Variants in GPATCH2 observed in about 807,000 individuals in gnomAD.
The protein encoded by GPATCH2 is G-patch domain containing 2.
In GPATCH2, 51 loss-of-function variants were observed where a neutral mutation model predicts 58.0. The ratio of observed to expected loss-of-function variants is 0.88; its 90% CI spans 0.70 to 1.11. The LOEUF (loss-of-function observed/expected upper bound fraction) is 1.11. Among genes scored for constraint, GPATCH2 ranks in the 50% most tolerant of loss-of-function variants. GPATCH2 has a pLI of 0.00. For synonymous variants in GPATCH2, 222 were observed against 218.5 expected, an observed-to-expected ratio of 1.02 and a Z score of -0.14; for missense variants, 625 against 652.2, an observed-to-expected ratio of 0.96 and a Z score of 0.45.
chr1:217,589,764 G>A (rs1452427810), intron 5 of GPATCH2, among the ~76,000 whole-genome samples: 1 of 152,160 alleles, frequency 6.6e-6, no homozygotes, highest in African/African-American at 2.4e-5. Context: ...GGATCAGAAG[G>A]AAAAGCAATT....
At chr1:217,595,725 C>T (rs927187470) in intron 5 of GPATCH2, among the ~76,000 whole-genome samples, 1 of 152,040 alleles carries the variant, frequency 6.6e-6, no homozygotes, top group Admixed American at 6.6e-5. Context: ...GTCTCGAACT[C>T]CTGACTTCAA....
chr1:217,507,230 A>C (rs1662606664), intron 6 of GPATCH2, among the ~76,000 whole-genome samples: 1 of 152,222 alleles, frequency 6.6e-6, no homozygotes, highest in South Asian at 2.1e-4. Context: ...GAATGAGAAC[A>C]CTGGGCTGTG....
At chr1:217,551,412 C>G (rs1438617865) in intron 5 of GPATCH2, among the ~76,000 whole-genome samples, 1 of 152,190 alleles carries the variant, frequency 6.6e-6, no homozygotes, top group East Asian at 1.9e-4. Flanking sequence ...TAACAAAGAC[C>G]TACAGAATCA....
intron 6 of GPATCH2, among the ~76,000 whole-genome samples, chr1:217,513,825 CTTT>C (rs567793120): frequency 7.0e-6 from 1 of 141,980 alleles, no homozygotes; most frequent in Non-Finnish European, 1.6e-5. Context: ...GAAAACCAGT[CTTT>C]TTTTTTTTTT....
At chr1:217,447,277 C>T (rs185611632) in intron 9 of GPATCH2, among the ~76,000 whole-genome samples, 13 of 152,142 alleles carry the variant, frequency 8.5e-5, no homozygotes, top group Admixed American at 2.0e-4. Context: ...TATAGTAGTG[C>T]GTTTAAGTCA....
At chr1:217,514,738 G>C (rs1433887877) in intron 6 of GPATCH2, 84 bp downstream of exon 6, 2 of 625,522 alleles carry the variant, frequency 3.2e-6, no homozygotes, top group Non-Finnish European at 5.9e-6. Context: ...AATTAAATAA[G>C]CTTTACTAGT....
chr1:217,606,910 C>T (rs1252310634), intron 5 of GPATCH2, among the ~76,000 whole-genome samples: 1 of 151,902 alleles, frequency 6.6e-6, no homozygotes, highest in African/African-American at 2.4e-5. Flanking sequence ...ATTATGCATA[C>T]ACAATCTCAT....
chr1:217,620,476 T>A lies in GPATCH2; in HGVS notation c.80A>T (p.Glu27Val). 1 of 1,609,258 alleles carries A rather than the reference T, an allele frequency of 6.2e-7. No homozygotes were observed. The highest frequency in any genetic ancestry group is 8.5e-7 in the Non-Finnish European group (1 of 1,176,514). ...NSWHFSRTME[E>V]LVHDLVSALE... Reference sequence around the variant, plus strand: ...TGCTGAGACAAGGTCATGAACCAGCTCCTCCATGGTTCTACTGAAATGCCT... The same window carrying A: ...TGCTGAGACAAGGTCATGAACCAGCACCTCCATGGTTCTACTGAAATGCCT... The change falls in exon 2 of 10, where the codon GAG (glutamate) becomes GTG (valine). Residue 27 changes from glutamate (E) to valine (V), a missense_variant. Physicochemically the swap from Glu to Val is moderately radical, Grantham distance 121. Transcript: ENST00000366935.
chr1:217,481,710 A>T (rs913630157), intron 8 of GPATCH2, among the ~76,000 whole-genome samples: 22 of 152,124 alleles, frequency 1.4e-4, no homozygotes, highest in African/African-American at 5.3e-4. Flanking sequence ...TAAAAAAATT[A>T]GTGAGGCATG....
At chr1:217,490,770 G>A (rs1661688954) in intron 8 of GPATCH2, among the ~76,000 whole-genome samples, 1 of 152,046 alleles carries the variant, frequency 6.6e-6, no homozygotes, top group Non-Finnish European at 1.5e-5. Context: ...TTAGGATCTG[G>A]CAATCTTAGG....
Position 217,443,069 on chromosome 1 carries a change from T to A in GPATCH2, c.1366+6180A>T, listed in dbSNP as rs896533186. 2.0e-5 allele frequency among the ~76,000 whole-genome samples: 3 copies of A among 152,190 alleles called. No homozygotes were observed. In the East Asian group the frequency reaches 5.8e-4, roughly 29 times the overall value. On this transcript the variant is annotated intron_variant, in intron 9 of 9. Transcript: ENST00000366935. ...TTATTGTCCATCTTACTTTTACACA[T>A]CCAAATTAATCATCTACATGGTCAC...
intron 8 of GPATCH2, among the ~76,000 whole-genome samples, chr1:217,468,185 A>G (rs1054459704): frequency 1.1e-4 from 16 of 152,202 alleles, no homozygotes; most frequent in Non-Finnish European, 1.9e-4. Flanking sequence ...AGAACATATT[A>G]AAAGAATTAA....
chr1:217,576,708 A>C (rs1666820941), intron 5 of GPATCH2, among the ~76,000 whole-genome samples: 1 of 152,154 alleles, frequency 6.6e-6, no homozygotes, highest in African/African-American at 2.4e-5. Context: ...ATGACTGTTG[A>C]CCTACTCATG....
At chr1:217,453,633 C>T (rs549644567) in intron 8 of GPATCH2, among the ~76,000 whole-genome samples, 29 of 152,120 alleles carry the variant, frequency 1.9e-4, no homozygotes, top group African/African-American at 7.0e-4. Context: ...GACATCTTAT[C>T]TGGAGGGAAA....
chr1:217,601,813 T>A (rs1668119985), intron 5 of GPATCH2, among the ~76,000 whole-genome samples: 1 of 152,170 alleles, frequency 6.6e-6, no homozygotes, highest in Non-Finnish European at 1.5e-5. Context: ...TTTTATTTCC[T>A]TATTCTCCTC....
chr1:217,610,986 CT>C lies in GPATCH2; in HGVS notation c.920del (p.Lys307ArgfsTer7), dbSNP rs1558524215. On this transcript the variant is annotated frameshift_variant, in exon 4 of 10. Coordinates refer to ENST00000366935, the MANE Select transcript of GPATCH2 (RefSeq NM_018040.5). LOFTEE classifies it high-confidence loss of function. ...TTTTGTCTAGCTCAGTAGGATCTTC[CT>C]TTTCCCACCAGGGCACAACTCCAGT... ...GITGVVPWWE[K>X]EDPTELDKNV... The C allele has an allele frequency of 6.2e-7, 1 of 1,613,324 alleles. No homozygotes were observed. The highest frequency in any genetic ancestry group is 2.2e-5 in the East Asian group (1 of 44,824).
intron 5 of GPATCH2, among the ~76,000 whole-genome samples, chr1:217,551,313 T>G (rs1344046933): frequency 4.6e-5 from 7 of 152,102 alleles, no homozygotes. Context: ...ATTCTCATTG[T>G]CATTTAAGAA....
intron 5 of GPATCH2, among the ~76,000 whole-genome samples, chr1:217,531,177 T>C (rs1266890210): frequency 1.3e-5 from 2 of 152,230 alleles, no homozygotes; most frequent in East Asian, 3.8e-4. Flanking sequence ...TATATGTCTC[T>C]GTATCTTTCT....
intron 5 of GPATCH2, among the ~76,000 whole-genome samples, chr1:217,549,487 GTTTA>G (rs1665243696): frequency 6.6e-6 from 1 of 152,114 alleles, no homozygotes; most frequent in African/African-American, 2.4e-5. Context: ...CATGAGAAAA[GTTTA>G]TTTGATGTAG....
Sources: gnomAD v4.1 joint callset for allele counts (sites outside exome capture counted in the v4.1 genomes callset) on GRCh38, gnomAD v4.1.1 for gene constraint, MANE v1.5 for transcripts, NCBI Gene and HGNC (gene_info 2026-07-23, HGNC 2026-07-21) for gene names.